SLC24A2: variants seen among roughly 807,000 people sequenced by gnomAD.
The protein encoded by SLC24A2 is sodium/potassium/calcium exchanger 2.
A neutral mutation model predicts 62.0 loss-of-function variants in SLC24A2; 36 were observed. The observed-to-expected ratio is 0.58, with a 90% CI of 0.44 to 0.77. The LOEUF (loss-of-function observed/expected upper bound fraction) is 0.77. SLC24A2 is among the 30% of genes least tolerant of loss of function. The probability of loss-of-function intolerance (pLI) is 0.00; values close to 1 mark genes in which losing one functional copy is unlikely to be tolerated. For missense variants in SLC24A2, 846 were observed against 817.9 expected (o/e 1.03, Z -0.42); for synonymous variants, 358 against 294.0 (o/e 1.22, Z -2.23).
chr9:20,063,548 C>T, the SLC24A2 span, among the ~76,000 whole-genome samples: 3 of 151,384 alleles, frequency 2.0e-5, no homozygotes, highest in East Asian at 3.9e-4. Context: ...TCCAAGATGA[C>T]GAGTTAGTGG....
chr9:19,616,443 GGACCCA>G (rs1435498822), intron 4 of SLC24A2, among the ~76,000 whole-genome samples: 1 of 152,178 alleles, frequency 6.6e-6, no homozygotes, highest in East Asian at 1.9e-4. Context: ...ACTGGGATCT[GGACCCA>G]GAGTCTGGTT....
At chr9:19,761,239 T>C (rs1002829989) in intron 2 of SLC24A2, among the ~76,000 whole-genome samples, 1 of 152,014 alleles carries the variant, frequency 6.6e-6, no homozygotes, top group Non-Finnish European at 1.5e-5. Context: ...CACCAGACTA[T>C]CTTCTACAAT....
chr9:19,720,488 A>G (rs1564062188), intron 2 of SLC24A2, among the ~76,000 whole-genome samples: 1 of 152,222 alleles, frequency 6.6e-6, no homozygotes, highest in Non-Finnish European at 1.5e-5. Flanking sequence ...TTCAAGGTGG[A>G]ATTTCACAGT....
the SLC24A2 span, among the ~76,000 whole-genome samples, chr9:19,802,135 T>A: frequency 1.3e-5 from 2 of 152,236 alleles, no homozygotes; most frequent in Non-Finnish European, 2.9e-5. Flanking sequence ...CAACCCCTGA[T>A]ATATGGGCCA....
At chr9:19,577,853 AAT>A (rs977061559) in intron 5 of SLC24A2, among the ~76,000 whole-genome samples, 1 of 148,346 alleles carries the variant, frequency 6.7e-6, no homozygotes, top group African/African-American at 2.5e-5. Context: ...ATATATATAA[AAT>A]ATATATATAA....
At chr9:20,191,065 T>C in the SLC24A2 span, among the ~76,000 whole-genome samples, 1 of 152,166 alleles carries the variant, frequency 6.6e-6, no homozygotes, top group Non-Finnish European at 1.5e-5. Context: ...GAAAGATTAT[T>C]TCCCCTGCAG....
chr9:19,565,121 C>G (rs10964211), intron 7 of SLC24A2, among the ~76,000 whole-genome samples: 132,182 of 152,004 alleles, frequency 0.87, 58,020 homozygotes, highest in East Asian at 1. Flanking sequence ...AGGGCAATCA[C>G]GCAGGAGAAA....
intron 9 of SLC24A2, among the ~76,000 whole-genome samples, chr9:19,523,385 C>G (rs928338361): frequency 1.3e-5 from 2 of 152,062 alleles, no homozygotes; most frequent in Non-Finnish European, 2.9e-5. Context: ...TTGTTGATGA[C>G]TATATGTGAG....
At position 19,696,984 on chromosome 9, in the gene SLC24A2, C is replaced by T. The variant is rs543251716; in HGVS notation, c.931-74685G>A. Among the ~76,000 whole-genome samples the T allele has an allele frequency of 4.4e-4, 67 of 152,136 alleles. 1 individual carries two copies. The highest frequency in any genetic ancestry group is 3.4e-3 in the Middle Eastern group (1 of 294). ...GATCCCAATACATCATATGCCATGT[C>T]GAGCTATTTTCTTTTAAGTGTTCTT... is the stretch of plus-strand genomic sequence containing the variant. On this transcript the variant is annotated intron_variant, in intron 2 of 10. Transcript: ENST00000341998.
At chr9:20,207,673 C>A in the SLC24A2 span, among the ~76,000 whole-genome samples, 1 of 152,178 alleles carries the variant, frequency 6.6e-6, no homozygotes, top group African/African-American at 2.4e-5. Flanking sequence ...TTAGACTGAA[C>A]TGAAATGCTT....
At chr9:19,537,927 T>A (rs1834049410) in intron 8 of SLC24A2, among the ~76,000 whole-genome samples, 1 of 20,592 alleles carries the variant, frequency 4.9e-5, no homozygotes, top group Non-Finnish European at 7.7e-5. Flanking sequence ...ACATCCCTTG[T>A]AAGTTGGATT....
intron 2 of SLC24A2, among the ~76,000 whole-genome samples, chr9:19,662,672 G>C (rs1328135144): frequency 6.6e-6 from 1 of 152,058 alleles, no homozygotes; most frequent in Non-Finnish European, 1.5e-5. Context: ...TCCTCATCTT[G>C]GTGCATGTTG....
chr9:19,811,168 G>A, the SLC24A2 span, among the ~76,000 whole-genome samples: 1 of 152,172 alleles, frequency 6.6e-6, no homozygotes, highest in South Asian at 2.1e-4. Flanking sequence ...AGAGGCTGAA[G>A]AGCTAGCTCC....
the SLC24A2 span, among the ~76,000 whole-genome samples, chr9:19,922,829 T>C: frequency 2.0e-5 from 3 of 152,154 alleles, no homozygotes; most frequent in Non-Finnish European, 2.9e-5. Flanking sequence ...TCTCAGGTGA[T>C]CAGAGACAAC....
At chr9:20,094,822 A>G in the SLC24A2 span, among the ~76,000 whole-genome samples, 1 of 152,152 alleles carries the variant, frequency 6.6e-6, no homozygotes, top group Non-Finnish European at 1.5e-5. Flanking sequence ...TATATAGGTA[A>G]AGATCTATTT....
the SLC24A2 span, among the ~76,000 whole-genome samples, chr9:19,862,607 C>T: frequency 6.6e-6 from 1 of 151,626 alleles, no homozygotes; most frequent in Non-Finnish European, 1.5e-5. Flanking sequence ...AATGATGAAC[C>T]AATAAAAATA....
At chr9:20,144,709 C>T in the SLC24A2 span, among the ~76,000 whole-genome samples, 1 of 152,022 alleles carries the variant, frequency 6.6e-6, no homozygotes, top group Non-Finnish European at 1.5e-5. Flanking sequence ...GGTTGTCAAT[C>T]GGGGTCATTC....
chr9:19,659,731 C>T (rs1587112144), intron 2 of SLC24A2, among the ~76,000 whole-genome samples: 1 of 152,176 alleles, frequency 6.6e-6, no homozygotes, highest in East Asian at 1.9e-4. Flanking sequence ...TGTTAACTGG[C>T]AGAGCTGTGA....
intron 2 of SLC24A2, among the ~76,000 whole-genome samples, chr9:19,664,320 T>G (rs1819187266): frequency 6.6e-6 from 1 of 152,206 alleles, no homozygotes; most frequent in Admixed American, 6.5e-5. Flanking sequence ...AGAATAGAAG[T>G]TAGCTTACAA....
Sources: gnomAD v4.1 joint callset for allele counts (sites outside exome capture counted in the v4.1 genomes callset) on GRCh38, gnomAD v4.1.1 for gene constraint, MANE v1.5 for transcripts, NCBI Gene and HGNC (gene_info 2026-07-23, HGNC 2026-07-21) for gene names.